EML5: variants seen among roughly 807,000 people sequenced by gnomAD.
EML5 encodes the protein echinoderm microtubule-associated protein-like 5.
Under a neutral mutation model 250.0 loss-of-function variants are expected in EML5, and 120 were observed. The ratio of observed to expected loss-of-function variants is 0.48; its 90% CI spans 0.41 to 0.56. The LOEUF is 0.56. EML5 is among the 20% of genes least tolerant of loss of function. EML5 has a pLI of 0.00. For missense variants in EML5, 2,006 were observed against 2,437.6 expected, an observed-to-expected ratio of 0.82 and a Z score of 3.73; for synonymous variants, 771 against 806.5, an observed-to-expected ratio of 0.96 and a Z score of 0.75.
chr14:88,679,472 A>T (rs1409091068), intron 21 of EML5, among the ~76,000 whole-genome samples: 1 of 152,070 alleles, frequency 6.6e-6, no homozygotes, highest in East Asian at 1.9e-4. Flanking sequence ...TGGGCGGATC[A>T]CTTGAGGTCA....
In EML5 at chr14:88,738,782, T is replaced by A. The variant is rs1012651418; in HGVS notation, c.847+97A>T. 8 of 1,375,802 alleles carry A rather than the reference T, an allele frequency of 5.8e-6. No individual in the cohort carries two copies. In the Admixed American group the frequency reaches 1.8e-4, roughly 30 times the overall value. The allele number at this position is 1,375,802 out of a possible 1,614,324, so 85.2% of individuals were successfully genotyped here. On this transcript the variant is annotated intron_variant, in intron 6 of 43. Transcript: ENST00000554922. ...AAGAGGCAAATATAAGTCTTATTTA[T>A]ATTTACAAAACTTACATTTATACTC...
At chr14:88,682,061 G>A in intron 20 of EML5, 30 bp from the exon 21 acceptor site, 5 of 1,535,524 alleles carry the variant, frequency 3.3e-6, no homozygotes, top group Non-Finnish European at 4.4e-6. Context: ...TCAATTTAGT[G>A]TATGTGTGTG....
intron 10 of EML5, among the ~76,000 whole-genome samples, chr14:88,708,580 A>G (rs1257318659): frequency 6.6e-6 from 1 of 152,122 alleles, no homozygotes; most frequent in Admixed American, 6.6e-5. Context: ...TGTAGGAAAG[A>G]GTAGTAAAGG....
chr14:88,650,865 C>T (rs1371502343), intron 27 of EML5, among the ~76,000 whole-genome samples: 1 of 152,116 alleles, frequency 6.6e-6, no homozygotes, highest in African/African-American at 2.4e-5. Flanking sequence ...TGGTGCTAAA[C>T]ACCTAGTCTC....
At chr14:88,622,476 T>A in intron 37 of EML5, 128 bp downstream of exon 37, 1 of 693,272 alleles carries the variant, frequency 1.4e-6, no homozygotes, top group Non-Finnish European at 2.2e-6. Context: ...GACAGAGTAA[T>A]GTTGGCAAGC....
intron 1 of EML5, among the ~76,000 whole-genome samples, chr14:88,756,489 T>C (rs542632115): frequency 3.9e-5 from 6 of 152,236 alleles, no homozygotes; most frequent in Admixed American, 3.3e-4. Context: ...TTATTAGATA[T>C]TCTAGCCAAG....
intron 25 of EML5, 146 bp downstream of exon 25, chr14:88,661,504 TATAG>T (rs370416922): frequency 1.0e-5 from 7 of 681,650 alleles, no homozygotes; most frequent in Admixed American, 9.3e-5. Flanking sequence ...ACTTAAAAGC[TATAG>T]ATATGAAACA....
At chr14:88,637,043 C>T (rs776102903) in intron 32 of EML5, among the ~76,000 whole-genome samples, 1 of 152,152 alleles carries the variant, frequency 6.6e-6, no homozygotes, top group Non-Finnish European at 1.5e-5. Context: ...TGATTTTTAA[C>T]AGAAGGAACA....
intron 37 of EML5, 38 bp from the exon 38 acceptor site, chr14:88,621,339 C>A: frequency 1.9e-6 from 3 of 1,607,956 alleles, no homozygotes; most frequent in Non-Finnish European, 2.6e-6. Context: ...GAATGTAATA[C>A]AACAGCTGCT....
Position 88,629,715 on chromosome 14 carries a change from C to G in EML5, c.4358-1896G>C, listed in dbSNP as rs1263842212. Among the ~76,000 whole-genome samples the G allele has an allele frequency of 2.0e-5, 3 of 152,048 alleles. No homozygotes were observed. In the South Asian group the frequency reaches 6.2e-4, roughly 32 times the overall value. ...CTAATGCTTACCTTCTAGGTAGGTA[C>G]GTTTTTTCCTGAATTCAGCCTCAGA... On this transcript the variant is annotated intron_variant, in intron 33 of 43. Transcript: ENST00000554922.
At chr14:88,651,154 C>CTTTTTTTTTTTTT (rs869045980) in intron 27 of EML5, among the ~76,000 whole-genome samples, 4 of 93,162 alleles carry the variant, frequency 4.3e-5, no homozygotes, top group African/African-American at 4.1e-5. Flanking sequence ...TTGTCATTTT[C>CTTTTTTTTTTTTT]TTTTTTTTTT....
rs1279867656 is a variant in EML5 at position 88,613,861 on chromosome 14, GCCTAT to G, written c.*1952_*1956del. On this transcript the variant is annotated 3_prime_UTR_variant, in exon 44 of 44. Coordinates refer to ENST00000554922, the MANE Select transcript of EML5 (RefSeq NM_183387.3). ...GTAAACATAGGGCAGATTCTATATG[GCCTAT>G]CATGTTTCTTCACCTTCCCCTCGTT... The G allele has an allele frequency of 6.6e-6, 1 of 152,160 alleles. No individual in the cohort carries two copies. Among genetic ancestry groups the G allele is most frequent in the Non-Finnish European group, 1.5e-5 (1 of 68,030 alleles). 9.4% of individuals were successfully genotyped at this position (152,160 alleles called of 1,614,324 possible). A position where few individuals can be genotyped will look rare whatever the true frequency, so the allele number is the denominator to read the frequency against.
chr14:88,790,385 A>G (rs1358507906), intron 1 of EML5, among the ~76,000 whole-genome samples: 1 of 152,252 alleles, frequency 6.6e-6, no homozygotes, highest in Non-Finnish European at 1.5e-5. Context: ...AAGTTGTGCA[A>G]CTATACCAAA....
At chr14:88,653,551 A>G (rs191618935) in intron 27 of EML5, among the ~76,000 whole-genome samples, 1 of 152,298 alleles carries the variant, frequency 6.6e-6, no homozygotes, top group East Asian at 1.9e-4. Context: ...CTATTGAGAT[A>G]ATCATGTGGT....
At chr14:88,756,539 G>T (rs766389640) in intron 1 of EML5, among the ~76,000 whole-genome samples, 7 of 152,038 alleles carry the variant, frequency 4.6e-5, no homozygotes, top group Non-Finnish European at 8.8e-5. Flanking sequence ...TAAAAGTAAA[G>T]ATCTCTATTG....
intron 20 of EML5, among the ~76,000 whole-genome samples, chr14:88,684,450 G>A (rs200040306): frequency 1.4e-5 from 2 of 145,572 alleles, no homozygotes; most frequent in Admixed American, 7.0e-5. Flanking sequence ...GATTACAGGC[G>A]TGAGCCACCG....
In EML5 at chr14:88,688,429, T is replaced by C. The variant is rs200233124; in HGVS notation, c.2584A>G (p.Lys862Glu). Residue 862 changes from lysine (K) to glutamate (E), a missense_variant, in exon 18 of 44, where the codon AAA becomes GAA. Lys to Glu is a moderately conservative substitution (Grantham distance 56, BLOSUM62 1). Transcript: ENST00000554922. ...ACTGCACACATCATTGTGTCATTTTTCCCCAGTGTGCCTATGTAGCCTTTT... is the reference window on the plus strand; with the variant it reads ...ACTGCACACATCATTGTGTCATTTTCCCCCAGTGTGCCTATGTAGCCTTTT... ...GRKGYIGTLG[K>E]NDTMMCAVYG... 294 of 1,613,858 alleles carry C rather than the reference T, an allele frequency of 1.8e-4. No homozygotes were observed. Among genetic ancestry groups the C allele is most frequent in the Non-Finnish European group, 2.3e-4 (274 of 1,179,892 alleles).
chr14:88,645,210 G>A (rs548353293), intron 29 of EML5, among the ~76,000 whole-genome samples: 1 of 152,166 alleles, frequency 6.6e-6, no homozygotes, highest in South Asian at 2.1e-4. Flanking sequence ...ATTTTTAGTA[G>A]AGATGGGGTT....
In EML5 at chr14:88,759,685, T is replaced by TAAA. The variant is rs58676323; in HGVS notation, c.198-5017_198-5015dup. 6.0e-3 allele frequency among the ~76,000 whole-genome samples: 553 copies of TAAA among 92,896 alleles called. 14 individuals are homozygous for TAAA. The highest frequency in any genetic ancestry group is 9.5e-3 in the African/African-American group (172 of 18,076). 60.9% of individuals were successfully genotyped at this position (92,896 alleles called of 152,430 possible). A position where few individuals can be genotyped will look rare whatever the true frequency, so the allele number is the denominator to read the frequency against. Reference sequence around the variant, plus strand: ...AGTGACAGGGCAAGTCACCATCTCTTAAAAAAAAAAAAAAAAAAACTGGGG... The same window carrying TAAA: ...AGTGACAGGGCAAGTCACCATCTCTTAAAAAAAAAAAAAAAAAAAAAACTGGGG... On this transcript the variant is annotated intron_variant, in intron 1 of 43. Coordinates refer to ENST00000554922, the MANE Select transcript of EML5 (RefSeq NM_183387.3).
Sources: gnomAD v4.1 joint callset for allele counts (sites outside exome capture counted in the v4.1 genomes callset) on GRCh38, gnomAD v4.1.1 for gene constraint, MANE v1.5 for transcripts, NCBI Gene and HGNC (gene_info 2026-07-23, HGNC 2026-07-21) for gene names.